Variants in KLHDC4 observed in about 807,000 individuals in gnomAD.
KLHDC4 encodes kelch domain containing 4.
In KLHDC4, 90 loss-of-function variants were observed where a neutral mutation model predicts 62.4. That is an observed-to-expected ratio of 1.44 (90% confidence interval 1.22 to 1.72). The LOEUF is 1.72. Among genes scored for constraint, KLHDC4 ranks in the 40% most tolerant of loss-of-function variants. KLHDC4 has a pLI of 0.00. For synonymous variants in KLHDC4, 386 were observed against 284.4 expected (o/e 1.36, Z -3.59); for missense variants, 1,025 against 699.7 (o/e 1.47, Z -5.25).
intron 6 of KLHDC4, 26 bp from the exon 7 acceptor site, chr16:87,726,950 G>C (rs1050642200): frequency 6.2e-7 from 1 of 1,612,310 alleles, no homozygotes; most frequent in African/African-American, 1.3e-5. Context: ...GCAGCTGTCA[G>C]GGTCCGTAAC....
intron 9 of KLHDC4, 117 bp downstream of exon 9, chr16:87,711,118 G>A: frequency 1.0e-6 from 1 of 954,940 alleles, no homozygotes; most frequent in Non-Finnish European, 1.6e-6. Context: ...CCCCTCTTGA[G>A]AGAGCTCATG....
rs2046605518 is a variant in KLHDC4, at chr16:87,765,955, A to G, written c.-65T>C. The G allele has an allele frequency of 6.1e-6, 9 of 1,474,514 alleles. No homozygotes were observed. Among genetic ancestry groups the G allele is most frequent in the Non-Finnish European group, 7.4e-6 (8 of 1,082,904 alleles). 91.3% of individuals were successfully genotyped at this position (1,474,514 alleles called of 1,614,324 possible). On this transcript the variant is annotated 5_prime_UTR_variant, in exon 1 of 12. Transcript: ENST00000270583. ...AAACGGCCCGCGCTCTCCGCTCGGA[A>G]ACAGGTGCTCGTGGGGCGGAGCTCG...
At chr16:87,714,395 G>A in intron 8 of KLHDC4, 103 bp downstream of exon 8, 2 of 1,522,822 alleles carry the variant, frequency 1.3e-6, no homozygotes, top group Non-Finnish European at 1.8e-6. Flanking sequence ...CGGGCAGGGT[G>A]CAGGGGCTCA....
chr16:87,744,520 T>C (rs1277856312), intron 5 of KLHDC4, among the ~76,000 whole-genome samples: 1 of 149,826 alleles, frequency 6.7e-6, no homozygotes. Flanking sequence ...GAGGTGGAGG[T>C]TGTAGTGAAC....
In KLHDC4 at chr16:87,719,141, T is replaced by C. The variant is rs4843680; in HGVS notation, c.760-4568A>G. Among the ~76,000 whole-genome samples the C allele has an allele frequency of 9.9e-5, 15 of 151,832 alleles. No homozygotes were observed. The East Asian group carries it at 2.3e-3, about 24-fold the overall frequency. On this transcript the variant is annotated intron_variant, in intron 7 of 11. Coordinates refer to ENST00000270583, the MANE Select transcript of KLHDC4 (RefSeq NM_017566.4). ...TGCCCCGTCTGGGAAGTGAGGATCTTCCCGGCCGCCACCCCGTCTGGGAGG... is the reference window on the plus strand; with the variant it reads ...TGCCCCGTCTGGGAAGTGAGGATCTCCCCGGCCGCCACCCCGTCTGGGAGG...
chr16:87,764,302 T>C (rs1253465811), intron 1 of KLHDC4, among the ~76,000 whole-genome samples: 1 of 152,108 alleles, frequency 6.6e-6, no homozygotes, highest in East Asian at 1.9e-4. Context: ...GAAGCTACTG[T>C]TACAATCACC....
At chr16:87,751,082 C>T (rs1473486140) in intron 4 of KLHDC4, 3 of 152,242 alleles carry the variant, frequency 2.0e-5, no homozygotes, top group Non-Finnish European at 4.4e-5. Context: ...GAAGACTATT[C>T]AATGCCACAG....
chr16:87,735,335 G>C (rs1173911235), intron 5 of KLHDC4, among the ~76,000 whole-genome samples: 1 of 151,030 alleles, frequency 6.6e-6, no homozygotes, highest in African/African-American at 2.4e-5. Context: ...AACTAAACCA[G>C]TGTGTCTGCA....
intron 7 of KLHDC4, among the ~76,000 whole-genome samples, chr16:87,721,875 G>A (rs943895387): frequency 6.6e-6 from 1 of 152,030 alleles, no homozygotes; most frequent in Admixed American, 6.6e-5. Context: ...GTCCTCAGCA[G>A]GACTCCGCCC....
At chr16:87,708,101 G>C in intron 11 of KLHDC4, 26 bp from the exon 12 acceptor site, 1 of 639,022 alleles carries the variant, frequency 1.6e-6, no homozygotes, top group South Asian at 1.5e-5. Context: ...GAAGGAATGA[G>C]AGAGAAACAC....
chr16:87,740,880 G>T (rs1248295713), intron 5 of KLHDC4: 1 of 152,112 alleles, frequency 6.6e-6, no homozygotes, highest in Non-Finnish European at 1.5e-5. Flanking sequence ...AAACAGTACG[G>T]AGATCTATGC....
chr16:87,726,836 G>C lies in KLHDC4; in HGVS notation c.688C>G (p.Pro230Ala). Residue 230 changes from proline (P) to alanine (A), a missense_variant, in exon 7 of 12, where the codon CCC becomes GCC. Physicochemically the swap from Pro to Ala is conservative, Grantham distance 27 (BLOSUM62 -1). Transcript: ENST00000270583. ...ACGGACATCTGGCAGCCTGATCTGG[G>C]TGTGGGCCCCGTCCCTGACGGGGAC... is the stretch of plus-strand genomic sequence containing the variant. ...KLSPSGTGPT[P>A]RSGCQMSVTP... is the part of the protein sequence containing the mutation. 1 of 1,613,006 alleles carries C rather than the reference G, an allele frequency of 6.2e-7. No homozygotes were observed. Among genetic ancestry groups the C allele is most frequent in the South Asian group, 1.1e-5 (1 of 91,006 alleles).
Position 87,711,164 on chromosome 16 carries a change from G to A in KLHDC4, c.1044+71C>T, listed in dbSNP as rs2035734964. 4.6e-6 allele frequency: 7 copies of A among 1,524,266 alleles called. No homozygotes were observed. In the South Asian group the frequency reaches 5.7e-5, roughly 12 times the overall value. The allele number at this position is 1,524,266 out of a possible 1,614,324, so 94.4% of individuals were successfully genotyped here. On this transcript the variant is annotated intron_variant, in intron 9 of 11. Coordinates refer to ENST00000270583, the MANE Select transcript of KLHDC4 (RefSeq NM_017566.4). ...GCCCCAATACCAAAAGGTGCTGGAGGAAGGCAGTGGTGGCAGGGACCCAAG... is the reference window on the plus strand; with the variant it reads ...GCCCCAATACCAAAAGGTGCTGGAGAAAGGCAGTGGTGGCAGGGACCCAAG...
At chr16:87,701,671 G>GC (rs2034149803) in intron 14 of KLHDC4, 1 of 456,400 alleles carries the variant, frequency 2.2e-6, no homozygotes, top group African/African-American at 2.0e-5. Context: ...TCCACTCCTG[G>GC]CATTTGGGAT....
chr16:87,733,412 G>C (rs1465309263), intron 5 of KLHDC4, among the ~76,000 whole-genome samples: 1 of 152,240 alleles, frequency 6.6e-6, no homozygotes, highest in Non-Finnish European at 1.5e-5. Context: ...CCCAGGCACA[G>C]AGGAGGCGGG....
intron 5 of KLHDC4, among the ~76,000 whole-genome samples, chr16:87,732,082 T>G (rs1382319176): frequency 6.7e-6 from 1 of 148,226 alleles, no homozygotes; most frequent in South Asian, 2.2e-4. Context: ...GCTAATTACA[T>G]AAGTGTGCAT....
chr16:87,732,477 CAAT>C (rs764352440), intron 5 of KLHDC4, among the ~76,000 whole-genome samples: 1 of 151,926 alleles, frequency 6.6e-6, no homozygotes, highest in Non-Finnish European at 1.5e-5. Flanking sequence ...AATTATGTCT[CAAT>C]AAAACTGATA....
At chr16:87,734,522 G>A (rs140928249) in intron 5 of KLHDC4, among the ~76,000 whole-genome samples, 2 of 152,296 alleles carry the variant, frequency 1.3e-5, no homozygotes, top group Non-Finnish European at 1.5e-5. Context: ...TCAAACGCGG[G>A]ATCCCACCAG....
chr16:87,751,432 C>T (rs1243226361), intron 4 of KLHDC4, among the ~76,000 whole-genome samples: 1 of 151,494 alleles, frequency 6.6e-6, no homozygotes, highest in Non-Finnish European at 1.5e-5. Flanking sequence ...TGAGGTCGCA[C>T]CACTGCACTC....
Sources: gnomAD v4.1 joint callset for allele counts (sites outside exome capture counted in the v4.1 genomes callset) on GRCh38, gnomAD v4.1.1 for gene constraint, MANE v1.5 for transcripts, NCBI Gene and HGNC (gene_info 2026-07-23, HGNC 2026-07-21) for gene names.